KIF3A: variants seen among roughly 807,000 people sequenced by gnomAD.
The protein encoded by KIF3A is kinesin-like protein KIF3A.
Under a neutral mutation model 92.6 loss-of-function variants are expected in KIF3A, and 27 were observed. That is an observed-to-expected ratio of 0.29 (90% CI 0.21 to 0.40). The LOEUF (loss-of-function observed/expected upper bound fraction) is 0.40. Ranked by LOEUF, KIF3A falls within the 10% of genes least tolerant of loss-of-function variation. The pLI is 1.00. For synonymous variants in KIF3A, 250 were observed against 275.4 expected (o/e 0.91, Z 0.92); for missense variants, 581 against 872.6 (o/e 0.67, Z 4.21).
chr5:132,708,281 CAAAAAAAAAAA>C (rs58058674), intron 10 of KIF3A, among the ~76,000 whole-genome samples: 2 of 66,480 alleles, frequency 3.0e-5, no homozygotes, highest in East Asian at 1.1e-3. Context: ...GACTCCGTCT[CAAAAAAAAAAA>C]AAAAAAAAGA....
intron 8 of KIF3A, among the ~76,000 whole-genome samples, chr5:132,712,415 G>T (rs1753459318): frequency 6.6e-6 from 1 of 152,158 alleles, no homozygotes; most frequent in African/African-American, 2.4e-5. Flanking sequence ...GATAACACTG[G>T]ATTATAATCC....
intron 5 of KIF3A, among the ~76,000 whole-genome samples, chr5:132,719,035 T>C (rs1422494422): frequency 6.8e-6 from 1 of 147,466 alleles, no homozygotes; most frequent in Non-Finnish European, 1.5e-5. Flanking sequence ...CATCTAAAAA[T>C]ATTTTCCAGA....
chr5:132,730,294 C>G (rs1365911114), intron 2 of KIF3A, among the ~76,000 whole-genome samples: 1 of 151,864 alleles, frequency 6.6e-6, no homozygotes, highest in African/African-American at 2.4e-5. Context: ...CGGTGAAACC[C>G]GTCCCTACTA....
Position 132,715,899 on chromosome 5 carries a change from A to G in KIF3A, c.987T>C (p.Tyr329=), listed in dbSNP as rs149469652. The G allele has an allele frequency of 7.7e-4, 1,239 of 1,600,562 alleles. 5 individuals are homozygous for G. The highest frequency in any genetic ancestry group is 5.5e-3 in the African/African-American group (409 of 74,432). Residue 329 remains tyrosine, a synonymous_variant, in exon 8 of 19, where the codon TAT becomes TAC. Coordinates refer to ENST00000403231, the MANE Select transcript of KIF3A (RefSeq NM_001300791.2). ...ACCGTAATGTACTGATAGTTTCATCATAATTGTAATCTGCTGGCCCAATAT... is the reference window on the plus strand; with the variant it reads ...ACCGTAATGTACTGATAGTTTCATCGTAATTGTAATCTGCTGGCCCAATAT... The part of the protein sequence containing the change: ...CANIGPADYN[Y]DETISTLRYA...
In KIF3A at chr5:132,699,124, G is replaced by A. The variant is rs1432806386; in HGVS notation, c.2132+47C>T. 3.2e-6 allele frequency: 5 copies of A among 1,567,108 alleles called. No individual in the cohort carries two copies. In the African/African-American group the frequency reaches 4.1e-5, roughly 13 times the overall value. On this transcript the variant is annotated intron_variant, in intron 18 of 18. Coordinates refer to ENST00000403231, the MANE Select transcript of KIF3A (RefSeq NM_001300791.2). ...AACTTCCTGTACATGTATCTAATTA[G>A]AATACCTCAATGCCTTCGTTTTACC...
At position 132,703,533 on chromosome 5, in the gene KIF3A, T is replaced by C. The variant is rs1274613775; in HGVS notation, c.1396A>G (p.Met466Val). The C allele has an allele frequency of 3.1e-6, 5 of 1,612,652 alleles. No homozygotes were observed. The highest frequency in any genetic ancestry group is 1.3e-5 in the African/African-American group (1 of 74,912). ...GCCTTGTTTCTTTCTTCTTCTTCCA[T>C]GTCGAGCTTTGTTTCAAGTGCTTTT... is the stretch of plus-strand genomic sequence containing the variant. ...ERKALETKLDMEEEERNKARA... is the reference protein window; with the variant it reads ...ERKALETKLDVEEEERNKARA... Residue 466 changes from methionine (M) to valine (V), a missense_variant, in exon 12 of 19, where the codon ATG becomes GTG. Physicochemically the swap from Met to Val is conservative, Grantham distance 21. Around this residue, in one of 5 missense-constraint regions of KIF3A, gnomAD observed 167 missense variants for 205.8 expected, o/e 0.81. Coordinates refer to ENST00000403231, the MANE Select transcript of KIF3A (RefSeq NM_001300791.2).
At chr5:132,689,342 G>T (rs1408279266), downstream of KIF3A, among the ~76,000 whole-genome samples, 1 of 152,100 alleles carries the variant, frequency 6.6e-6, no homozygotes, top group African/African-American at 2.4e-5. Flanking sequence ...ACTCTACCTT[G>T]TTTTAAAAAT....
chr5:132,714,188 C>A (rs1339012967), intron 8 of KIF3A, among the ~76,000 whole-genome samples: 1 of 152,046 alleles, frequency 6.6e-6, no homozygotes, highest in Non-Finnish European at 1.5e-5. Flanking sequence ...TGAGCCACTG[C>A]GCCCCACCAA....
downstream of KIF3A, among the ~76,000 whole-genome samples, chr5:132,690,100 C>T (rs1752626688): frequency 6.6e-6 from 1 of 152,174 alleles, no homozygotes; most frequent in Non-Finnish European, 1.5e-5. Context: ...TCTGTAGTAC[C>T]AGCTACTTGG....
At chr5:132,701,925 T>C (rs1455020035) in intron 15 of KIF3A, among the ~76,000 whole-genome samples, 162 bp downstream of exon 15, 1 of 152,224 alleles carries the variant, frequency 6.6e-6, no homozygotes, top group African/African-American at 2.4e-5. Flanking sequence ...ACAGAGATTA[T>C]GTATTAAAAG....
intron 17 of KIF3A, chr5:132,699,562 T>TA (rs1003686435): frequency 1.3e-5 from 4 of 297,220 alleles, no homozygotes; most frequent in African/African-American, 9.0e-5. Flanking sequence ...TTCTTCTTCT[T>TA]TTTTTTTTTT....
chr5:132,690,089 G>A (rs796258953), downstream of KIF3A, among the ~76,000 whole-genome samples: 10 of 152,240 alleles, frequency 6.6e-5, no homozygotes, highest in South Asian at 8.3e-4. Flanking sequence ...ATGGTGTTGC[G>A]TCTGTAGTAC....
chr5:132,734,448 C>A lies in KIF3A; in HGVS notation c.37G>T (p.Asp13Tyr). The change falls in exon 2 of 19, where the codon GAT (aspartate) becomes TAT (tyrosine). Residue 13 changes from aspartate (D) to tyrosine (Y), a missense_variant. This residue lies in a region of KIF3A where 217 missense variants were observed against 299.7 expected (regional missense o/e 0.72). Transcript: ENST00000403231. The stretch of plus-strand genomic sequence containing the variant: ...CACCTAACAACAACCTTCACATTAT[C>A]GCAGCTTTCTGGCTTCTCTGATTTA... ...INKSEKPESC[D>Y]NVKVVVRCRP... is the part of the protein sequence containing the mutation. 6.2e-7 allele frequency: 1 copy of A among 1,613,396 alleles called. No homozygotes were observed. The highest frequency in any genetic ancestry group is 8.5e-7 in the Non-Finnish European group (1 of 1,179,806).
intron 2 of KIF3A, among the ~76,000 whole-genome samples, chr5:132,732,037 A>C (rs1468436762): frequency 1.3e-5 from 2 of 152,180 alleles, no homozygotes; most frequent in Non-Finnish European, 2.9e-5. Flanking sequence ...AAAATCCTAC[A>C]AAATTTACAA....
chr5:132,697,771 A>C (rs1161519264), intron 18 of KIF3A: 1 of 152,628 alleles, frequency 6.6e-6, no homozygotes, highest in Non-Finnish European at 1.5e-5. Flanking sequence ...AGAAAAGAAA[A>C]CAGAAGATCC....
intron 11 of KIF3A, among the ~76,000 whole-genome samples, chr5:132,706,157 C>T (rs774127919): frequency 2.6e-5 from 4 of 151,852 alleles, no homozygotes; most frequent in South Asian, 2.1e-4. Flanking sequence ...TAAGCAACCA[C>T]GGCATAACCA....
intron 9 of KIF3A, among the ~76,000 whole-genome samples, chr5:132,709,432 T>C (rs1281208560): frequency 6.6e-6 from 1 of 152,242 alleles, no homozygotes; most frequent in South Asian, 2.1e-4. Context: ...ATCTCCACTT[T>C]CAGTCTCTCC....
Position 132,700,240 on chromosome 5 carries a change from TG to T in KIF3A, c.1982del (p.Pro661GlnfsTer31). On this transcript the variant is annotated frameshift_variant, in exon 17 of 19. Transcript: ENST00000403231. LOFTEE classifies it high-confidence loss of function. ...CATCTTTCTCCTTTTTATCAGGTAC[TG>T]GGGTTTGCTTCCTCATGTTATTTCC... ...YTGNNMRKQT[P>X]VPDKKEKDPF... The T allele has an allele frequency of 6.3e-7, 1 of 1,597,262 alleles. No individual in the cohort carries two copies.
intron 8 of KIF3A, among the ~76,000 whole-genome samples, chr5:132,715,347 G>T (rs1411515547): frequency 1.3e-5 from 2 of 152,140 alleles, no homozygotes; most frequent in Non-Finnish European, 2.9e-5. Context: ...AGCAAACTTG[G>T]TTTACTCATG....
Sources: allele counts gnomAD v4.1 joint callset (sites outside exome capture counted in the v4.1 genomes callset), GRCh38; gene constraint gnomAD v4.1.1; regional missense constraint gnomAD v4.1.1; transcripts MANE v1.5; gene names NCBI Gene and HGNC (gene_info 2026-07-23, HGNC 2026-07-21).